Variants in ZBTB20 observed in about 807,000 individuals in gnomAD.
ZBTB20 encodes the protein zinc finger and BTB domain containing 20.
In ZBTB20, 9 loss-of-function variants were observed where a neutral mutation model predicts 56.9. The ratio of observed to expected loss-of-function variants is 0.16; its 90% CI spans 0.10 to 0.28. The LOEUF is 0.28. Among genes scored for constraint, ZBTB20 ranks in the 10% least tolerant of loss-of-function variants. The probability of loss-of-function intolerance (pLI) is 1.00; values close to 1 mark genes in which losing one functional copy is unlikely to be tolerated. For missense variants in ZBTB20, 655 were observed against 1,003.0 expected, an observed-to-expected ratio of 0.65 and a Z score of 4.69; for synonymous variants, 417 against 420.7, an observed-to-expected ratio of 0.99 and a Z score of 0.11.
chr3:115,028,832 A>G (rs1380651748), intron 2 of ZBTB20, among the ~76,000 whole-genome samples: 1 of 150,826 alleles, frequency 6.6e-6, no homozygotes, highest in Non-Finnish European at 1.5e-5. Context: ...CTTTAATGTA[A>G]TGAAGAATAT....
At chr3:114,992,498 A>G (rs138617278) in intron 2 of ZBTB20, among the ~76,000 whole-genome samples, 98 of 152,116 alleles carry the variant, frequency 6.4e-4, no homozygotes, top group Admixed American at 3.1e-3. Context: ...TATAAAGGGA[A>G]ATCTCTGGGT....
At chr3:114,916,046 T>C (rs1360659370) in intron 3 of ZBTB20, among the ~76,000 whole-genome samples, 2 of 152,148 alleles carry the variant, frequency 1.3e-5, no homozygotes, top group Admixed American at 6.5e-5. Context: ...TGAAATGTTA[T>C]GTAAATATGT....
chr3:115,024,272 T>C (rs9845146), intron 2 of ZBTB20, among the ~76,000 whole-genome samples: 90,472 of 150,800 alleles, frequency 0.6, 29,948 homozygotes, highest in Non-Finnish European at 0.76. Flanking sequence ...CCAGGAACTA[T>C]GGTAAGTGCT....
chr3:115,090,129 T>C (rs2108570271), intron 1 of ZBTB20, among the ~76,000 whole-genome samples: 1 of 151,928 alleles, frequency 6.6e-6, no homozygotes, highest in Middle Eastern at 3.4e-3. Flanking sequence ...CCTAGGAATC[T>C]GTGTATTTTA....
chr3:114,591,274 T>C (rs531960032), intron 6 of ZBTB20, among the ~76,000 whole-genome samples: 4 of 152,298 alleles, frequency 2.6e-5, no homozygotes, highest in South Asian at 4.1e-4. Flanking sequence ...CAGAGAAATA[T>C]CTATATTTGG....
chr3:115,015,537 T>G (rs1424366148), intron 2 of ZBTB20, among the ~76,000 whole-genome samples: 1 of 151,872 alleles, frequency 6.6e-6, no homozygotes, highest in Admixed American at 6.6e-5. Flanking sequence ...TTCTCATTGT[T>G]CAGCTCCCAC....
At chr3:114,800,879 C>G (rs1361968388) in intron 5 of ZBTB20, among the ~76,000 whole-genome samples, 1 of 151,740 alleles carries the variant, frequency 6.6e-6, no homozygotes, top group Non-Finnish European at 1.5e-5. Flanking sequence ...GAAATTCAAA[C>G]CAGCCAAAAG....
chr3:114,380,481 T>G, intron 9 of ZBTB20, 77 bp from the exon 10 acceptor site: 1 of 1,432,846 alleles, frequency 7.0e-7, no homozygotes, highest in East Asian at 2.5e-5. Context: ...CTGTTAAAGA[T>G]AACTTGATTT....
At chr3:114,445,559 T>A (rs1362437384) in intron 7 of ZBTB20, 2 of 152,210 alleles carry the variant, frequency 1.3e-5, no homozygotes, top group African/African-American at 4.8e-5. Context: ...TTATTTTAAG[T>A]TCTTCAGCTG....
intron 6 of ZBTB20, among the ~76,000 whole-genome samples, chr3:114,596,288 C>T (rs2056308616): frequency 6.6e-6 from 1 of 152,060 alleles, no homozygotes; most frequent in Admixed American, 6.6e-5. Flanking sequence ...AAAAGTACTG[C>T]CTATATGCCA....
intron 6 of ZBTB20, among the ~76,000 whole-genome samples, chr3:114,644,710 G>A (rs1036067145): frequency 1.3e-5 from 2 of 152,008 alleles, no homozygotes; most frequent in African/African-American, 4.8e-5. Flanking sequence ...GAATTAGGGT[G>A]GGATTCCTAT....
intron 1 of ZBTB20, among the ~76,000 whole-genome samples, chr3:115,106,614 T>TA (rs1183929552): frequency 6.6e-6 from 1 of 152,086 alleles, no homozygotes; most frequent in Admixed American, 6.5e-5. Flanking sequence ...AGGCCAGGAG[T>TA]ACCATCCTTA....
intron 7 of ZBTB20, among the ~76,000 whole-genome samples, chr3:114,485,249 A>G (rs896708642): frequency 2.6e-5 from 4 of 152,230 alleles, no homozygotes; most frequent in Admixed American, 6.5e-5. Flanking sequence ...AAGAAATGAG[A>G]GGAAACTAAA....
intron 1 of ZBTB20, among the ~76,000 whole-genome samples, chr3:115,115,818 T>TA (rs752783772): frequency 9.9e-5 from 15 of 152,050 alleles, no homozygotes; most frequent in African/African-American, 1.7e-4. Context: ...TCTAGGTAGT[T>TA]AGATTTTAAT....
At chr3:114,493,805 T>C (rs762209979) in intron 7 of ZBTB20, among the ~76,000 whole-genome samples, 5 of 152,254 alleles carry the variant, frequency 3.3e-5, no homozygotes, top group Non-Finnish European at 7.3e-5. Context: ...TTACAAGTTA[T>C]ATTGTGAGAC....
chr3:114,668,389 C>G (rs1284700118), intron 6 of ZBTB20, among the ~76,000 whole-genome samples: 3 of 151,984 alleles, frequency 2.0e-5, no homozygotes, highest in South Asian at 2.1e-4. Flanking sequence ...TTCATACTGT[C>G]AATAATAAGT....
chr3:114,689,675 A>T (rs964412793), intron 6 of ZBTB20, among the ~76,000 whole-genome samples: 7 of 152,196 alleles, frequency 4.6e-5, no homozygotes, highest in Non-Finnish European at 7.4e-5. Context: ...ATGATGAGGC[A>T]TTGATGGTTC....
chr3:114,496,164 T>C (rs1018272057), intron 7 of ZBTB20, among the ~76,000 whole-genome samples: 14 of 152,282 alleles, frequency 9.2e-5, no homozygotes, highest in African/African-American at 3.4e-4. Context: ...AACATAGGCT[T>C]TGAAAACATG....
At chr3:114,613,060 C>G (rs1190942050) in intron 6 of ZBTB20, among the ~76,000 whole-genome samples, 2 of 152,112 alleles carry the variant, frequency 1.3e-5, no homozygotes, top group African/African-American at 4.8e-5. Context: ...AAGATTAAAG[C>G]TCTAATTCCA....
Sources: gnomAD v4.1 joint callset for allele counts (sites outside exome capture counted in the v4.1 genomes callset) on GRCh38, gnomAD v4.1.1 for gene constraint, MANE v1.5 for transcripts, NCBI Gene and HGNC (gene_info 2026-07-23, HGNC 2026-07-21) for gene names.